Variants in SLC35F3 observed in about 807,000 individuals in gnomAD.
SLC35F3 encodes solute carrier family 35 member F3.
In SLC35F3, 25 loss-of-function variants were observed where a neutral mutation model predicts 49.9. That is an observed-to-expected ratio of 0.50 (90% CI 0.37 to 0.70). The LOEUF is 0.70. Among genes scored for constraint, SLC35F3 ranks in the 30% least tolerant of loss-of-function variants. SLC35F3 has a pLI of 0.00. For missense variants in SLC35F3, 525 were observed against 639.8 expected (o/e 0.82, Z 1.94); for synonymous variants, 275 against 265.4 (o/e 1.04, Z -0.35).
In SLC35F3 at chr1:234,320,865, AT is replaced by A; in HGVS notation, c.1237+682del. 6.6e-6 allele frequency among the ~76,000 whole-genome samples: 1 copy of A among 151,610 alleles called. No homozygotes were observed. The highest frequency in any genetic ancestry group is 1.5e-5 in the Non-Finnish European group (1 of 67,876). On this transcript the variant is annotated intron_variant, in intron 7 of 7. Coordinates refer to ENST00000366618, the MANE Select transcript of SLC35F3 (RefSeq NM_173508.4). This position sits in a 1 kb window ranked among gnomAD's most constrained non-coding sequence, Gnocchi z 4.8. The stretch of plus-strand genomic sequence containing the variant: ...TGGCTCGCACGGATAGGAATTTTGG[AT>A]TTTCTTCCCAGAACCTCCTGGCCTC...
At chr1:234,253,908 G>A (rs896901320) in intron 3 of SLC35F3, among the ~76,000 whole-genome samples, 2 of 152,166 alleles carry the variant, frequency 1.3e-5, no homozygotes, top group African/African-American at 4.8e-5. Flanking sequence ...AGAGTGAGAT[G>A]GCAGGATGCT....
intron 2 of SLC35F3, among the ~76,000 whole-genome samples, chr1:234,024,020 A>T (rs1297960928): frequency 1.3e-5 from 2 of 152,162 alleles, no homozygotes; most frequent in Non-Finnish European, 2.9e-5. Flanking sequence ...GCATTAGGTA[A>T]GGACAATCTG....
At chr1:234,177,565 C>T (rs142721565) in intron 2 of SLC35F3, among the ~76,000 whole-genome samples, 135 of 152,300 alleles carry the variant, frequency 8.9e-4, no homozygotes, top group African/African-American at 3.0e-3. Flanking sequence ...CACATAAAGA[C>T]GGCTTTACTA....
intron 2 of SLC35F3, among the ~76,000 whole-genome samples, chr1:234,069,119 T>A (rs1189528973): frequency 1.9e-4 from 25 of 129,758 alleles, no homozygotes; most frequent in African/African-American, 7.2e-4. Flanking sequence ...TTGTATATTT[T>A]TGTATATAAA....
At chr1:233,918,637 G>A (rs1002856250) in intron 2 of SLC35F3, among the ~76,000 whole-genome samples, 1 of 151,974 alleles carries the variant, frequency 6.6e-6, no homozygotes, top group East Asian at 1.9e-4. Flanking sequence ...TGTAGTGGCG[G>A]GCACCTGTAA....
chr1:234,287,914 T>C (rs1303253095), intron 3 of SLC35F3, among the ~76,000 whole-genome samples: 1 of 152,112 alleles, frequency 6.6e-6, no homozygotes, highest in Non-Finnish European at 1.5e-5. Context: ...AGAGGTAGAG[T>C]CTTGCTTTGT....
intron 2 of SLC35F3, among the ~76,000 whole-genome samples, chr1:234,089,366 A>G (rs1451005047): frequency 6.6e-6 from 1 of 152,148 alleles, no homozygotes; most frequent in African/African-American, 2.4e-5. Flanking sequence ...ATGGAGAGAG[A>G]ACCAAGGGGC....
intron 2 of SLC35F3, among the ~76,000 whole-genome samples, chr1:234,112,449 G>C (rs747811158): frequency 6.6e-6 from 1 of 151,994 alleles, no homozygotes; most frequent in Non-Finnish European, 1.5e-5. Flanking sequence ...ACTCATATCA[G>C]AGTTTATCTT....
intron 2 of SLC35F3, among the ~76,000 whole-genome samples, chr1:234,173,411 C>G (rs1474308146): frequency 1.3e-5 from 2 of 152,220 alleles, no homozygotes; most frequent in African/African-American, 4.8e-5. Flanking sequence ...CCCAGAATCA[C>G]AGAGCTAGTT....
intron 2 of SLC35F3, among the ~76,000 whole-genome samples, chr1:234,210,275 T>G (rs551466127): frequency 4.5e-4 from 68 of 152,302 alleles, no homozygotes; most frequent in African/African-American, 1.6e-3. Flanking sequence ...GGGTATGTCT[T>G]TATCAGCAGC....
Position 233,905,708 on chromosome 1 carries a change from T to C in SLC35F3, c.233T>C (p.Leu78Pro). ...CTCACGTCCATCGAGGAGCGGATCC[T>C]GCGCATCACTGGCTACTATGGCTAC... ...VGLTSIEERI[L>P]RITGYYGYQP... Residue 78 changes from leucine to proline, a missense_variant, in exon 2 of 8, where the codon CTG (leucine) becomes CCG (proline). Around this residue, in one of 4 missense-constraint regions of SLC35F3, gnomAD observed 228 missense variants for 218.9 expected, o/e 1.04. Coordinates refer to ENST00000366618, the MANE Select transcript of SLC35F3 (RefSeq NM_173508.4). The C allele has an allele frequency of 6.2e-7, 1 of 1,614,208 alleles. No individual in the cohort carries two copies. Among genetic ancestry groups the C allele is most frequent in the African/African-American group, 1.3e-5 (1 of 75,074 alleles).
chr1:233,982,704 G>T lies in SLC35F3; in HGVS notation c.283+76946G>T, dbSNP rs201848244. ...TGTCAGATACCCACATCTTTTTTTT[G>T]TTTGTTTGTTTACTGACTATATGCA... On this transcript the variant is annotated intron_variant, in intron 2 of 7. Transcript: ENST00000366618. Among the ~76,000 whole-genome samples the T allele has an allele frequency of 4.1e-4, 62 of 151,684 alleles. No homozygotes were observed. In the East Asian group the frequency reaches 0.011, roughly 26 times the overall value.
chr1:234,106,903 A>C lies in SLC35F3; in HGVS notation c.284-124514A>C, dbSNP rs1453004998. ...CTTTGATAACAATAAGGATCCACCA[A>C]ACCAACCCTGGAGCTACCATCCTCC... On this transcript the variant is annotated intron_variant, in intron 2 of 7. Coordinates refer to ENST00000366618, the MANE Select transcript of SLC35F3 (RefSeq NM_173508.4). Among the ~76,000 whole-genome samples, 4 of 152,344 alleles carry C rather than the reference A, an allele frequency of 2.6e-5. No individual in the cohort carries two copies. The East Asian group carries it at 7.7e-4, about 29-fold the overall frequency.
intron 2 of SLC35F3, among the ~76,000 whole-genome samples, chr1:234,102,336 G>T (rs1183636458): frequency 2.0e-5 from 3 of 151,982 alleles, no homozygotes; most frequent in Non-Finnish European, 2.9e-5. Flanking sequence ...TTTTTGGGGA[G>T]GTGTGTGTGT....
chr1:234,221,619 G>A (rs1195321376), intron 2 of SLC35F3, among the ~76,000 whole-genome samples: 1 of 152,124 alleles, frequency 6.6e-6, no homozygotes, highest in African/African-American at 2.4e-5. Context: ...AGCCCTATTG[G>A]GACATCCAAG....
intron 2 of SLC35F3, among the ~76,000 whole-genome samples, chr1:233,919,477 AT>A (rs1662025554): frequency 6.6e-6 from 1 of 152,126 alleles, no homozygotes; most frequent in South Asian, 2.1e-4. Context: ...TTTTTCAGAG[AT>A]TTAGACTTCT....
intron 2 of SLC35F3, among the ~76,000 whole-genome samples, chr1:234,053,316 G>A (rs1417548071): frequency 6.6e-6 from 1 of 152,134 alleles, no homozygotes; most frequent in African/African-American, 2.4e-5. Flanking sequence ...ATGAATCTGG[G>A]TGCTCCTGTA....
chr1:234,034,490 G>A (rs1327376320), intron 2 of SLC35F3, among the ~76,000 whole-genome samples: 2 of 152,000 alleles, frequency 1.3e-5, no homozygotes, highest in Non-Finnish European at 2.9e-5. Context: ...TGTCATAGAC[G>A]GCTTTTGTTT....
chr1:234,116,513 A>ATT (rs1665489405), intron 2 of SLC35F3, among the ~76,000 whole-genome samples: 1 of 22,714 alleles, frequency 4.4e-5, no homozygotes, highest in African/African-American at 1.0e-4. Context: ...GTTTTTATTT[A>ATT]TTTATTTATT....
Sources: gnomAD v4.1 joint callset for allele counts (sites outside exome capture counted in the v4.1 genomes callset) on GRCh38, gnomAD v4.1.1 for gene constraint, gnomAD v4.1.1 regional missense constraint, Gnocchi (gnomAD v3.1) non-coding constraint, MANE v1.5 for transcripts, NCBI Gene and HGNC (gene_info 2026-07-23, HGNC 2026-07-21) for gene names.